The following CPNE4 variants were observed in gnomAD, a reference collection of about 807,000 sequenced individuals.
CPNE4 encodes the protein copine-4.
CPNE4 carries 25 observed loss-of-function variants against 67.9 expected under a neutral mutation model. That is an observed-to-expected ratio of 0.37 (90% confidence interval 0.27 to 0.51). CPNE4 has a LOEUF of 0.51. Among genes scored for constraint, CPNE4 ranks in the 20% least tolerant of loss-of-function variants. CPNE4 has a pLI of 0.93. For missense variants in CPNE4, 464 were observed against 690.8 expected (o/e 0.67, Z 3.68); for synonymous variants, 242 against 244.9 (o/e 0.99, Z 0.11).
intron 1 of CPNE4, among the ~76,000 whole-genome samples, chr3:132,019,657 T>C (rs1299037701): frequency 6.6e-6 from 1 of 152,218 alleles, no homozygotes; most frequent in East Asian, 1.9e-4. Flanking sequence ...ATGCTCTCCC[T>C]TGACCCAATG....
intron 2 of CPNE4, among the ~76,000 whole-genome samples, chr3:131,808,347 T>C (rs180870196): frequency 6.6e-6 from 1 of 152,046 alleles, no homozygotes; most frequent in East Asian, 1.9e-4. Context: ...AAGGCTCTAG[T>C]GGAAAAAGTG....
At chr3:131,792,654 TAC>T (rs1553772209) in intron 2 of CPNE4, among the ~76,000 whole-genome samples, 3 of 69,742 alleles carry the variant, frequency 4.3e-5, no homozygotes, top group Non-Finnish European at 5.8e-5. Context: ...TATGTATATA[TAC>T]ACACGTGTAT....
intron 7 of CPNE4, among the ~76,000 whole-genome samples, chr3:131,587,979 G>A (rs1045684391): frequency 3.3e-5 from 5 of 152,140 alleles, no homozygotes; most frequent in African/African-American, 9.7e-5. Context: ...TTGGCATTAG[G>A]TGCCTGAGTC....
At chr3:131,886,649 C>G (rs2107731992) in intron 2 of CPNE4, among the ~76,000 whole-genome samples, 1 of 152,326 alleles carries the variant, frequency 6.6e-6, no homozygotes, top group South Asian at 2.1e-4. Context: ...TGCAAAACCA[C>G]AGGGGTGGAG....
intron 7 of CPNE4, 35 bp from the exon 8 acceptor site, chr3:131,587,617 TAAG>T: frequency 6.7e-7 from 1 of 1,487,068 alleles, no homozygotes; most frequent in Non-Finnish European, 9.4e-7. Context: ...CTTAAAAAAT[TAAG>T]AATGTAGCCA....
rs763509045 is a variant in CPNE4 at position 132,001,553 on chromosome 3, GAGAAAGAAAGAAAGAAAGAAAGAAAGAA to G, written c.-2+32986_-2+33013del. ...GAGAAAGAAAGAGACAAAGAAAAAA[GAGAAAGAAAGAAAGAAAGAAAGAAAGAA>G]AGAAAGAAAGAAAGAAAGAAAGAAA... On this transcript the variant is annotated intron_variant, in intron 1 of 15. Coordinates refer to ENST00000429747, the MANE Select transcript of CPNE4 (RefSeq NM_130808.3). 3.6e-4 allele frequency among the ~76,000 whole-genome samples: 37 copies of G among 101,858 alleles called. 1 individual carries two copies. The highest frequency in any genetic ancestry group is 5.0e-4 in the Non-Finnish European group (25 of 50,342). The allele number at this position is 101,858 out of a possible 152,430, so 66.8% of individuals were successfully genotyped here. A position where few individuals can be genotyped will look rare whatever the true frequency, so the allele number is the denominator to read the frequency against.
intron 2 of CPNE4, among the ~76,000 whole-genome samples, chr3:131,763,029 CAA>C (rs752838277): frequency 6.6e-6 from 1 of 151,546 alleles, no homozygotes; most frequent in Non-Finnish European, 1.5e-5. Flanking sequence ...TTTAGGAAAA[CAA>C]AAAAACAATC....
At chr3:131,968,537 G>A (rs954215593) in intron 1 of CPNE4, among the ~76,000 whole-genome samples, 1 of 152,096 alleles carries the variant, frequency 6.6e-6, no homozygotes, top group African/African-American at 2.4e-5. Flanking sequence ...ATCGAAAGTG[G>A]GCAAAGGATA....
intron 1 of CPNE4, among the ~76,000 whole-genome samples, chr3:132,025,326 G>C (rs914058071): frequency 6.6e-6 from 1 of 152,086 alleles, no homozygotes; most frequent in Non-Finnish European, 1.5e-5. Context: ...TGTGTTCCTG[G>C]GGCCAGTACT....
At chr3:131,691,006 A>G (rs1443105478) in intron 5 of CPNE4, among the ~76,000 whole-genome samples, 2 of 152,194 alleles carry the variant, frequency 1.3e-5, no homozygotes, top group East Asian at 3.9e-4. Context: ...ACAATGAGAT[A>G]CCATCTCGCA....
At chr3:131,822,242 G>A (rs1413378102) in intron 2 of CPNE4, among the ~76,000 whole-genome samples, 1 of 152,054 alleles carries the variant, frequency 6.6e-6, no homozygotes, top group Non-Finnish European at 1.5e-5. Flanking sequence ...TGGTCATTTT[G>A]AGACCAGACT....
At chr3:131,922,898 T>C (rs1267627196) in intron 1 of CPNE4, among the ~76,000 whole-genome samples, 1 of 152,208 alleles carries the variant, frequency 6.6e-6, no homozygotes, top group Non-Finnish European at 1.5e-5. Flanking sequence ...AATGCCCAAG[T>C]GCCCACACTT....
At chr3:131,709,308 G>A (rs1317679490) in intron 3 of CPNE4, among the ~76,000 whole-genome samples, 1 of 152,132 alleles carries the variant, frequency 6.6e-6, no homozygotes, top group Non-Finnish European at 1.5e-5. Flanking sequence ...CGTCATGTGG[G>A]AGAATTTCTT....
Position 131,546,894 on chromosome 3 carries a change from C to A in CPNE4, c.1302+3053G>T, listed in dbSNP as rs150105400. ...AAGTTTCTGACTCTACTCCTTAGAC[C>A]AAATTTGGCAAGAATAGTGTATTTT... On this transcript the variant is annotated intron_variant, in intron 14 of 15. Transcript: ENST00000429747. 8.9e-3 allele frequency among the ~76,000 whole-genome samples: 1,352 copies of A among 152,158 alleles called. 84 individuals carry two copies. Among genetic ancestry groups the A allele is most frequent in the Admixed American group, 0.084 (1,289 of 15,272 alleles).
intron 10 of CPNE4, among the ~76,000 whole-genome samples, chr3:131,564,587 T>C (rs895756880): frequency 6.6e-6 from 1 of 152,006 alleles, no homozygotes; most frequent in African/African-American, 2.4e-5. Context: ...CTCTGTTTAA[T>C]AGGAACTTGA....
intron 1 of CPNE4, among the ~76,000 whole-genome samples, chr3:132,009,245 GCT>G (rs2073687526): frequency 6.6e-6 from 1 of 152,166 alleles, no homozygotes; most frequent in African/African-American, 2.4e-5. Context: ...CAAGGCACTA[GCT>G]CTCTTTCCCA....
rs750405488 is a variant in CPNE4 at position 131,564,371 on chromosome 3, A to G, written c.928-22T>C. 1.9e-6 allele frequency: 3 copies of G among 1,603,920 alleles called. No individual in the cohort carries two copies. The South Asian group carries it at 3.3e-5, about 18-fold the overall frequency. Reference sequence around the variant, plus strand: ...CTACCTAAAAGAGAAAAATACAAGAAAAGGTAAATTTAAAGTGGATGCATC... The same window carrying G: ...CTACCTAAAAGAGAAAAATACAAGAGAAGGTAAATTTAAAGTGGATGCATC... On this transcript the variant is annotated intron_variant, in intron 10 of 15. Coordinates refer to ENST00000429747, the MANE Select transcript of CPNE4 (RefSeq NM_130808.3).
chr3:131,817,019 A>G (rs946924607), intron 2 of CPNE4, among the ~76,000 whole-genome samples: 2 of 152,216 alleles, frequency 1.3e-5, no homozygotes, highest in African/African-American at 4.8e-5. Flanking sequence ...ACTTTTCTTC[A>G]GGAAGAAGTG....
At chr3:131,663,643 C>T (rs1462056293) in intron 7 of CPNE4, among the ~76,000 whole-genome samples, 2 of 152,058 alleles carry the variant, frequency 1.3e-5, no homozygotes, top group Non-Finnish European at 2.9e-5. Flanking sequence ...TAACAGAGCA[C>T]TTTTCTGATT....
Sources: allele counts gnomAD v4.1 joint callset (sites outside exome capture counted in the v4.1 genomes callset), GRCh38; gene constraint gnomAD v4.1.1; transcripts MANE v1.5; gene names NCBI Gene and HGNC (gene_info 2026-07-23, HGNC 2026-07-21).